SCAPER: variants seen among roughly 807,000 people sequenced by gnomAD.
The protein encoded by SCAPER is S-phase cyclin A associated protein in the ER.
SCAPER carries 98 observed loss-of-function variants against 182.2 expected under a neutral mutation model. That is an observed-to-expected ratio of 0.54 (90% CI 0.46 to 0.64). The LOEUF (loss-of-function observed/expected upper bound fraction) is 0.64. Ranked by LOEUF, SCAPER falls within the 30% of genes least tolerant of loss-of-function variation. The pLI is 0.00. For synonymous variants in SCAPER, 605 were observed against 564.6 expected, an observed-to-expected ratio of 1.07 and a Z score of -1.01; for missense variants, 1,432 against 1,690.0, an observed-to-expected ratio of 0.85 and a Z score of 2.68.
intron 22 of SCAPER, among the ~76,000 whole-genome samples, chr15:76,615,819 C>CAAAAAAAAAA (rs61031189): frequency 1.2e-5 from 1 of 82,398 alleles, no homozygotes. Context: ...GATTCCATCT[C>CAAAAAAAAAA]AAAAAAAAAA....
At chr15:76,807,626 G>A (rs1255886141) in intron 5 of SCAPER, among the ~76,000 whole-genome samples, 1 of 151,216 alleles carries the variant, frequency 6.6e-6, no homozygotes, top group African/African-American at 2.4e-5. Context: ...CTGGTGCACT[G>A]CACCCACTAA....
intron 21 of SCAPER, among the ~76,000 whole-genome samples, chr15:76,645,008 A>C (rs543196417): frequency 6.6e-6 from 1 of 152,238 alleles, no homozygotes; most frequent in South Asian, 2.1e-4. Flanking sequence ...ATATTTGTGG[A>C]AACAAACTGC....
intron 14 of SCAPER, among the ~76,000 whole-genome samples, chr15:76,754,248 A>G (rs1269367039): frequency 6.6e-6 from 1 of 152,058 alleles, no homozygotes; most frequent in Non-Finnish European, 1.5e-5. Flanking sequence ...AGGTTCATAA[A>G]ACTCTCAGAA....
intron 17 of SCAPER, among the ~76,000 whole-genome samples, chr15:76,721,545 T>G (rs2060243031): frequency 6.6e-6 from 1 of 152,052 alleles, no homozygotes; most frequent in African/African-American, 2.4e-5. Flanking sequence ...ATATTGATTC[T>G]TCCTACCCAT....
At chr15:76,811,193 TAC>T (rs2066593893) in intron 5 of SCAPER, among the ~76,000 whole-genome samples, 1 of 140,376 alleles carries the variant, frequency 7.1e-6, no homozygotes, top group South Asian at 2.3e-4. Flanking sequence ...AGCAGGAAAA[TAC>T]ACATTTTTCT....
intron 5 of SCAPER, among the ~76,000 whole-genome samples, chr15:76,836,880 A>G (rs968560702): frequency 3.3e-5 from 5 of 152,322 alleles, no homozygotes; most frequent in Middle Eastern, 3.4e-3. Flanking sequence ...TCTCAATGAA[A>G]AAGAAAGAAA....
intron 23 of SCAPER, among the ~76,000 whole-genome samples, chr15:76,558,307 A>T (rs1176468560): frequency 3.9e-5 from 6 of 152,174 alleles, no homozygotes. Flanking sequence ...AACAAACAAA[A>T]AAACAAAGAA....
intron 18 of SCAPER, 94 bp downstream of exon 18, chr15:76,705,809 T>C (rs1005866783): frequency 1.6e-5 from 13 of 797,706 alleles, no homozygotes; most frequent in South Asian, 1.6e-4. Context: ...AGATTAAGAA[T>C]ACAAATTAAT....
intron 9 of SCAPER, among the ~76,000 whole-genome samples, chr15:76,772,953 G>A (rs919519734): frequency 2.0e-5 from 3 of 151,864 alleles, no homozygotes; most frequent in Non-Finnish European, 4.4e-5. Flanking sequence ...ACTTGGCTAA[G>A]TCTCATAAAC....
chr15:76,497,023 A>G (rs777863452), intron 24 of SCAPER, among the ~76,000 whole-genome samples: 1 of 152,040 alleles, frequency 6.6e-6, no homozygotes, highest in Non-Finnish European at 1.5e-5. Context: ...CCATACCTCA[A>G]GAGAGCTGGA....
rs200520215 is a variant in SCAPER at position 76,798,483 on chromosome 15, A to AG, written c.611+1764dup. On this transcript the variant is annotated intron_variant, in intron 7 of 31. Coordinates refer to ENST00000563290, the MANE Select transcript of SCAPER (RefSeq NM_020843.4). ...AAGGAGAGAAGAGAGAGAAAGGGGC[A>AG]GAAAAAAAAACATTTAAAGGAATAA... Among the ~76,000 whole-genome samples the AG allele has an allele frequency of 3.1e-3, 476 of 152,116 alleles. 5 individuals are homozygous for AG. Among genetic ancestry groups the AG allele is most frequent in the African/African-American group, 0.011 (452 of 41,500 alleles).
intron 5 of SCAPER, among the ~76,000 whole-genome samples, chr15:76,826,776 T>C (rs2068055274): frequency 6.6e-6 from 1 of 152,214 alleles, no homozygotes; most frequent in Admixed American, 6.5e-5. Context: ...CATGTTGTAA[T>C]ATTCATTAAA....
At chr15:76,860,576 T>C (rs1218769985) in intron 3 of SCAPER, among the ~76,000 whole-genome samples, 1 of 152,122 alleles carries the variant, frequency 6.6e-6, no homozygotes, top group Non-Finnish European at 1.5e-5. Flanking sequence ...ATATGGAAAT[T>C]CACTCTACAG....
intron 27 of SCAPER, among the ~76,000 whole-genome samples, chr15:76,387,237 G>GC (rs754240529): frequency 1.3e-5 from 2 of 152,180 alleles, no homozygotes; most frequent in Non-Finnish European, 2.9e-5. Flanking sequence ...AGTGAAGAGC[G>GC]CATGTCTCAG....
At chr15:76,658,312 T>C (rs2055842667) in intron 21 of SCAPER, among the ~76,000 whole-genome samples, 2 of 152,046 alleles carry the variant, frequency 1.3e-5, no homozygotes, top group African/African-American at 4.8e-5. Context: ...CCATTCACAA[T>C]AGCCACAAAA....
chr15:76,845,500 C>G (rs1001065248), intron 4 of SCAPER, among the ~76,000 whole-genome samples: 1 of 151,748 alleles, frequency 6.6e-6, no homozygotes, highest in Non-Finnish European at 1.5e-5. Flanking sequence ...AACTGATAAA[C>G]AAATTCAGTG....
chr15:76,723,170 C>G (rs1373768417), intron 17 of SCAPER, among the ~76,000 whole-genome samples: 1 of 152,022 alleles, frequency 6.6e-6, no homozygotes, highest in Non-Finnish European at 1.5e-5. Flanking sequence ...TTATTTCTGC[C>G]TTCATTTCAT....
chr15:76,856,403 A>G (rs2151857239), intron 4 of SCAPER, among the ~76,000 whole-genome samples: 1 of 152,106 alleles, frequency 6.6e-6, no homozygotes, highest in African/African-American at 2.4e-5. Flanking sequence ...TGTACCCCTG[A>G]ACCTAAAATA....
At chr15:76,788,291 A>C (rs2064761906) in intron 8 of SCAPER, among the ~76,000 whole-genome samples, 1 of 152,226 alleles carries the variant, frequency 6.6e-6, no homozygotes, top group African/African-American at 2.4e-5. Flanking sequence ...TTATGTGTGA[A>C]TATACTAAAA....
Sources: gnomAD v4.1 joint callset for allele counts (sites outside exome capture counted in the v4.1 genomes callset) on GRCh38, gnomAD v4.1.1 for gene constraint, MANE v1.5 for transcripts, NCBI Gene and HGNC (gene_info 2026-07-23, HGNC 2026-07-21) for gene names.